The following SVEP1 variants were observed in gnomAD, a reference collection of about 807,000 sequenced individuals.
The protein encoded by SVEP1 is sushi, von Willebrand factor type A, EGF and pentraxin domain-containing protein 1.
Under a neutral mutation model 367.3 loss-of-function variants are expected in SVEP1, and 164 were observed. That is an observed-to-expected ratio of 0.45 (90% CI 0.39 to 0.51). The LOEUF (loss-of-function observed/expected upper bound fraction) is 0.51, where lower values mean the gene tolerates loss of function less well. SVEP1 is among the 20% of genes least tolerant of loss of function. SVEP1 has a pLI of 0.00. For synonymous variants in SVEP1, 1,666 were observed against 1,611.6 expected (o/e 1.03, Z -0.81); for missense variants, 4,117 against 4,425.3 (o/e 0.93, Z 1.98).
At position 110,408,181 on chromosome 9, in the gene SVEP1, C is replaced by T. The variant is rs767437817; in HGVS notation, c.7419G>A (p.Val2473=). 83 of 1,613,826 alleles carry T rather than the reference C, an allele frequency of 5.1e-5. 1 individual carries two copies. In the East Asian group the frequency reaches 1.7e-3, roughly 33 times the overall value. The part of the protein sequence containing the change: ...LYTCKPGFEL[V]GNTTTLCGEN... Reference sequence around the variant, plus strand: ...CTCCACAAAGGGTGGTAGTATTTCCCACCAATTCAAAGCCTGGCTTGCAGG... The same window carrying T: ...CTCCACAAAGGGTGGTAGTATTTCCTACCAATTCAAAGCCTGGCTTGCAGG... Residue 2473 remains valine (V), a synonymous_variant, in exon 38 of 48, where the codon GTG becomes GTA. Transcript: ENST00000374469.
chr9:110,534,527 G>A (rs561349316), intron 3 of SVEP1, among the ~76,000 whole-genome samples: 13 of 152,148 alleles, frequency 8.5e-5, no homozygotes, highest in South Asian at 8.3e-4. Flanking sequence ...TTTATATTCC[G>A]TTGGGTATGT....
chr9:110,569,142 T>A (rs1367091114), intron 1 of SVEP1, among the ~76,000 whole-genome samples: 1 of 151,530 alleles, frequency 6.6e-6, no homozygotes, highest in South Asian at 2.1e-4. Flanking sequence ...CAAACAAACA[T>A]ACTTGGCATT....
chr9:110,388,344 A>C (rs1374372353), intron 41 of SVEP1, among the ~76,000 whole-genome samples: 1 of 152,194 alleles, frequency 6.6e-6, no homozygotes, highest in Non-Finnish European at 1.5e-5. Context: ...CCCTTTCAAG[A>C]ATCTCAAAAA....
chr9:110,440,632 G>C (rs1828498473), intron 27 of SVEP1, among the ~76,000 whole-genome samples: 1 of 152,190 alleles, frequency 6.6e-6, no homozygotes, highest in Admixed American at 6.5e-5. Flanking sequence ...AGAAAGGGCT[G>C]GGCTCAGGGA....
intron 43 of SVEP1, 64 bp downstream of exon 43, chr9:110,385,834 C>G: frequency 1.3e-6 from 2 of 1,536,274 alleles, no homozygotes; most frequent in Non-Finnish European, 1.8e-6. Context: ...TTGAAAACAA[C>G]CTCACAGGGA....
chr9:110,463,685 G>A (rs912261276), intron 18 of SVEP1, among the ~76,000 whole-genome samples: 4 of 151,442 alleles, frequency 2.6e-5, no homozygotes, highest in Non-Finnish European at 5.9e-5. Context: ...CGAAAGAAAG[G>A]CAGGTGAAAG....
intron 3 of SVEP1, among the ~76,000 whole-genome samples, chr9:110,520,338 C>A (rs1446187548): frequency 6.6e-6 from 1 of 152,166 alleles, no homozygotes; most frequent in South Asian, 2.1e-4. Context: ...TTGGTTTGAA[C>A]AAGTTTCACA....
rs760674753 is a variant in SVEP1 at position 110,406,222 on chromosome 9, C to T, written c.9378G>A (p.Pro3126=). Residue 3126 remains proline, a synonymous_variant, in exon 38 of 48, where the codon CCG becomes CCA. Transcript: ENST00000374469. ...VCEPLSCGSP[P]SVANAVATGE... ...CAGTTGCCACTGCATTGGCGACAGA[C>T]GGTGGGGACCCACAGGACAAGGGCT... The T allele has an allele frequency of 1.1e-5, 18 of 1,610,570 alleles. No homozygotes were observed. Among genetic ancestry groups the T allele is most frequent in the South Asian group, 6.6e-5 (6 of 90,554 alleles).
chr9:110,470,676 T>C (rs1829001685), intron 16 of SVEP1, among the ~76,000 whole-genome samples: 1 of 151,668 alleles, frequency 6.6e-6, no homozygotes, highest in African/African-American at 2.4e-5. Flanking sequence ...GCTCAAGTGA[T>C]CCTCCCGCCT....
intron 39 of SVEP1, among the ~76,000 whole-genome samples, chr9:110,402,786 G>T (rs576275961): frequency 2.6e-5 from 4 of 151,940 alleles, no homozygotes; most frequent in Non-Finnish European, 5.9e-5. Flanking sequence ...TATCTAAAAG[G>T]GACCATCTGG....
chr9:110,575,086 C>T (rs1231249589), intron 1 of SVEP1, among the ~76,000 whole-genome samples: 3 of 151,926 alleles, frequency 2.0e-5, no homozygotes, highest in Admixed American at 2.0e-4. Context: ...ATAGCCCAAC[C>T]AAAATGAGAA....
chr9:110,474,458 G>C (rs1295273979), intron 14 of SVEP1, among the ~76,000 whole-genome samples: 2 of 152,148 alleles, frequency 1.3e-5, no homozygotes, highest in African/African-American at 4.8e-5. Flanking sequence ...GGGGAGCAAT[G>C]CTTGTTTTTA....
intron 4 of SVEP1, 95 bp downstream of exon 4, chr9:110,513,853 G>A: frequency 7.3e-7 from 1 of 1,365,946 alleles, no homozygotes; most frequent in Non-Finnish European, 9.9e-7. Context: ...GAACATTAAA[G>A]ATCATTCTAA....
chr9:110,404,339 T>C lies in SVEP1; in HGVS notation c.9654A>G (p.Ile3218Met). 6.2e-7 allele frequency: 1 copy of C among 1,613,972 alleles called. No individual in the cohort carries two copies. The change falls in exon 39 of 48, where the codon ATA (isoleucine) becomes ATG (methionine). Residue 3218 changes from isoleucine (I) to methionine (M), a missense_variant. Physicochemically the swap from Ile to Met is conservative, Grantham distance 10. Around this residue, in one of 4 missense-constraint regions of SVEP1, gnomAD observed 1,765 missense variants for 1,781.1 expected, o/e 0.99. Transcript: ENST00000374469. ...GACAGAATCTTACCTGACATACTGATATGTTAACTCCCTCAAAGGTATACC... is the reference window on the plus strand; with the variant it reads ...GACAGAATCTTACCTGACATACTGACATGTTAACTCCCTCAAAGGTATACC... ...AEGYTFEGVN[I>M]SVCQLDGTWE...
chr9:110,394,139 G>A (rs34279877), intron 40 of SVEP1, among the ~76,000 whole-genome samples: 2 of 151,758 alleles, frequency 1.3e-5, no homozygotes, highest in African/African-American at 4.8e-5. Flanking sequence ...CACATGGCCG[G>A]GTATTCCTCT....
At chr9:110,534,054 T>C (rs1164126981) in intron 3 of SVEP1, among the ~76,000 whole-genome samples, 3 of 152,106 alleles carry the variant, frequency 2.0e-5, no homozygotes, top group Non-Finnish European at 4.4e-5. Flanking sequence ...GATTCAGGGG[T>C]ACATGTGCAG....
rs1160341286 is a variant in SVEP1 at position 110,451,277 on chromosome 9, G to A, written c.3901+12C>T. ...ATTTTAAGACAACATAGGAAGACTG[G>A]AAACATCTTACCTACAAATCCTTTC... is the stretch of plus-strand genomic sequence containing the variant. On this transcript the variant is annotated intron_variant, in intron 23 of 47. Transcript: ENST00000374469. 1 of 1,601,724 alleles carries A rather than the reference G, an allele frequency of 6.2e-7. No homozygotes were observed.
At chr9:110,508,822 G>A (rs568316950) in intron 5 of SVEP1, among the ~76,000 whole-genome samples, 4 of 148,902 alleles carry the variant, frequency 2.7e-5, no homozygotes, top group Non-Finnish European at 4.5e-5. Context: ...AACTGAAAAT[G>A]AGTATAAGTG....
At chr9:110,537,642 G>C (rs1830094568) in intron 3 of SVEP1, among the ~76,000 whole-genome samples, 1 of 151,914 alleles carries the variant, frequency 6.6e-6, no homozygotes, top group African/African-American at 2.4e-5. Flanking sequence ...CAAAATTTCT[G>C]TAATGAAAAG....
Sources: gnomAD v4.1 joint callset for allele counts (sites outside exome capture counted in the v4.1 genomes callset) on GRCh38, gnomAD v4.1.1 for gene constraint, gnomAD v4.1.1 regional missense constraint, MANE v1.5 for transcripts, NCBI Gene and HGNC (gene_info 2026-07-23, HGNC 2026-07-21) for gene names.